DSCAML1: variants seen among roughly 807,000 people sequenced by gnomAD.
DSCAML1 encodes the protein cell adhesion molecule DSCAML1.
Under a neutral mutation model 200.5 loss-of-function variants are expected in DSCAML1, and 38 were observed. The observed-to-expected ratio is 0.19, with a 90% CI of 0.15 to 0.25. DSCAML1 has a LOEUF of 0.25. Ranked by LOEUF, DSCAML1 falls within the 10% of genes least tolerant of loss-of-function variation. The pLI is 1.00. For missense variants in DSCAML1, 2,223 were observed against 2,858.8 expected, an observed-to-expected ratio of 0.78 and a Z score of 5.07; for synonymous variants, 1,215 against 1,165.0, an observed-to-expected ratio of 1.04 and a Z score of -0.87.
Position 117,626,210 on chromosome 11 carries a change from T to A in DSCAML1, c.512-93688A>T, listed in dbSNP as rs12361297. Among the ~76,000 whole-genome samples, 1,002 of 115,534 alleles carry A rather than the reference T, an allele frequency of 8.7e-3. 14 individuals are homozygous for A. Among genetic ancestry groups the A allele is most frequent in the African/African-American group, 0.029 (915 of 31,342 alleles). 75.8% of individuals were successfully genotyped at this position (115,534 alleles called of 152,430 possible). ...CCACTCTTGCTGAGACCCCCCCCCC[T>A]CCTTCTTCTGGCATGAGACCTGGTC... On this transcript the variant is annotated intron_variant, in intron 3 of 32. Transcript: ENST00000651296.
rs189162302 is a variant in DSCAML1 at position 117,732,503 on chromosome 11, G to C, written c.511+44288C>G. ...CTATTATAAAAAGACGAGTTCCAAG[G>C]CCCTATCTGGCTCTCACACTGTATC... is the stretch of plus-strand genomic sequence containing the variant. On this transcript the variant is annotated intron_variant, in intron 3 of 32. Coordinates refer to ENST00000651296, the MANE Select transcript of DSCAML1 (RefSeq NM_020693.4). 2.1e-3 allele frequency among the ~76,000 whole-genome samples: 318 copies of C among 152,260 alleles called. 2 individuals are homozygous for C. The highest frequency in any genetic ancestry group is 3.8e-3 in the Non-Finnish European group (258 of 68,020).
At chr11:117,448,326 G>A (rs1592593498) in intron 20 of DSCAML1, among the ~76,000 whole-genome samples, 2 of 152,314 alleles carry the variant, frequency 1.3e-5, no homozygotes, top group East Asian at 3.9e-4. Flanking sequence ...CTATAGAATT[G>A]CTAGGCTGCT....
In DSCAML1 at chr11:117,769,242, ATATATG is replaced by A. The variant is rs199908038; in HGVS notation, c.511+7543_511+7548del. 7.0e-3 allele frequency among the ~76,000 whole-genome samples: 35 copies of A among 4,984 alleles called. 1 individual carries two copies. The highest frequency in any genetic ancestry group is 8.6e-3 in the Admixed American group (1 of 116). 3.3% of individuals were successfully genotyped at this position (4,984 alleles called of 152,430 possible). On this transcript the variant is annotated intron_variant, in intron 3 of 32. Transcript: ENST00000651296. ...ATATATTGTATATATTATATATTTT[ATATATG>A]TATATATTATATATTTTATATATTT...
chr11:117,775,998 G>A (rs1224585121), intron 3 of DSCAML1, among the ~76,000 whole-genome samples: 3 of 152,124 alleles, frequency 2.0e-5, no homozygotes, highest in Non-Finnish European at 2.9e-5. Context: ...GGAAGAAAAC[G>A]CAGCAGAACC....
At chr11:117,544,049 G>C (rs566419254) in intron 3 of DSCAML1, among the ~76,000 whole-genome samples, 9 of 152,124 alleles carry the variant, frequency 5.9e-5, no homozygotes, top group Non-Finnish European at 1.2e-4. Flanking sequence ...GAGGGAGGAG[G>C]AAGCGAATAG....
rs370416652 is a variant in DSCAML1, at chr11:117,442,137, ATG to A, written c.3862+1747_3862+1748del. On this transcript the variant is annotated intron_variant, in intron 21 of 32. Transcript: ENST00000651296. The stretch of plus-strand genomic sequence containing the variant: ...CATATGTGAGTGTGCACGTGTATGC[ATG>A]TGTGTATGCGTGTGTATATGCGTAT... Among the ~76,000 whole-genome samples, 234 of 151,730 alleles carry A rather than the reference ATG, an allele frequency of 1.5e-3. 1 individual carries two copies. Among genetic ancestry groups the A allele is most frequent in the African/African-American group, 2.2e-3 (90 of 41,324 alleles).
chr11:117,814,337 G>A (rs1418354909), intron 1 of DSCAML1, among the ~76,000 whole-genome samples: 3 of 152,194 alleles, frequency 2.0e-5, no homozygotes, highest in Admixed American at 2.0e-4. Flanking sequence ...ATGAAACTTA[G>A]TTCATAATTG....
chr11:117,647,338 G>C (rs1208395817), intron 3 of DSCAML1, among the ~76,000 whole-genome samples: 1 of 152,248 alleles, frequency 6.6e-6, no homozygotes, highest in East Asian at 1.9e-4. Flanking sequence ...CAGGTGGGCA[G>C]TGTTGGGGTG....
chr11:117,473,282 A>C (rs1483484514), intron 14 of DSCAML1, among the ~76,000 whole-genome samples: 1 of 152,162 alleles, frequency 6.6e-6, no homozygotes, highest in Admixed American at 6.5e-5. Context: ...GGATCATTTG[A>C]GGTCAGGAGT....
chr11:117,798,954 C>T (rs2055631148), upstream of DSCAML1, among the ~76,000 whole-genome samples: 1 of 152,138 alleles, frequency 6.6e-6, no homozygotes, highest in Admixed American at 6.5e-5. Context: ...GTTTTGTCAT[C>T]TGGAAACACA....
intron 3 of DSCAML1, among the ~76,000 whole-genome samples, chr11:117,677,576 G>T (rs957034284): frequency 3.3e-5 from 5 of 152,092 alleles, no homozygotes; most frequent in African/African-American, 1.2e-4. Context: ...ACCCTGGCTT[G>T]TGGGCAGAGG....
At chr11:117,635,132 C>A (rs757854790) in intron 3 of DSCAML1, among the ~76,000 whole-genome samples, 1 of 152,216 alleles carries the variant, frequency 6.6e-6, no homozygotes, top group South Asian at 2.1e-4. Context: ...ACAGGCTGCT[C>A]TCAAATGCAT....
In DSCAML1 at chr11:117,498,375, A is replaced by G. The variant is rs748279327; in HGVS notation, c.2359+5470T>C. Among the ~76,000 whole-genome samples, 37 of 152,290 alleles carry G rather than the reference A, an allele frequency of 2.4e-4. No homozygotes were observed. Among genetic ancestry groups the G allele is most frequent in the Non-Finnish European group, 4.3e-4 (29 of 68,016 alleles). On this transcript the variant is annotated intron_variant, in intron 11 of 32. Coordinates refer to ENST00000651296, the MANE Select transcript of DSCAML1 (RefSeq NM_020693.4). The surrounding 1 kb of genome is among the most constrained non-coding windows in gnomAD (Gnocchi z 4.0). ...TGGCAGGGCCCATCCGTGGGAGGAC[A>G]GTCTGTGGAGGAGCCCTCGGGAGGT...
At chr11:117,601,354 T>C (rs536617366) in intron 3 of DSCAML1, among the ~76,000 whole-genome samples, 5 of 152,150 alleles carry the variant, frequency 3.3e-5, no homozygotes, top group East Asian at 1.9e-4. Context: ...CCAGGGTGTG[T>C]TGAGGAGGGG....
chr11:117,816,452 C>A (rs1357383300), intron 1 of DSCAML1, among the ~76,000 whole-genome samples: 1 of 152,248 alleles, frequency 6.6e-6, no homozygotes, highest in African/African-American at 2.4e-5. Context: ...GAAGAATGGG[C>A]GCTTGGTGAG....
At chr11:117,557,976 A>G (rs890888229) in intron 3 of DSCAML1, among the ~76,000 whole-genome samples, 10 of 152,268 alleles carry the variant, frequency 6.6e-5, no homozygotes, top group South Asian at 6.2e-4. Context: ...TAAATATCCT[A>G]CAAGCCCGGG....
rs1345807921 is a variant in DSCAML1, at chr11:117,780,004, A to G, written c.364+489T>C. Among the ~76,000 whole-genome samples the G allele has an allele frequency of 6.6e-6, 1 of 151,916 alleles. No individual in the cohort carries two copies. The highest frequency in any genetic ancestry group is 1.9e-4 in the East Asian group (1 of 5,190). Reference sequence around the variant, plus strand: ...TAAATGAGCACCAACTCATTTAACCATCACACGTAGTGATACAGAGGTAGG... The same window carrying G: ...TAAATGAGCACCAACTCATTTAACCGTCACACGTAGTGATACAGAGGTAGG... On this transcript the variant is annotated intron_variant, in intron 2 of 32. Transcript: ENST00000651296. This position sits in a 1 kb window ranked among gnomAD's most constrained non-coding sequence, Gnocchi z 4.8.
chr11:117,527,791 G>T (rs1331748598), intron 4 of DSCAML1, among the ~76,000 whole-genome samples: 1 of 152,220 alleles, frequency 6.6e-6, no homozygotes, highest in Non-Finnish European at 1.5e-5. Context: ...CTGGAGAGGG[G>T]TTGGGGTGAG....
rs1319784543 is a variant in DSCAML1, at chr11:117,457,754, G to A, written c.3568+1000C>T. Among the ~76,000 whole-genome samples the A allele has an allele frequency of 1.1e-4, 17 of 152,148 alleles. 1 individual carries two copies. Among genetic ancestry groups the A allele is most frequent in the Admixed American group, 2.0e-4 (3 of 15,272 alleles). On this transcript the variant is annotated intron_variant, in intron 19 of 32. Transcript: ENST00000651296. ...AGCTTCTCCCCCACCACTCCCAGCCGAGTCGTTCCTTTTCAACATGTCAAA... is the reference window on the plus strand; with the variant it reads ...AGCTTCTCCCCCACCACTCCCAGCCAAGTCGTTCCTTTTCAACATGTCAAA...
Sources: allele counts gnomAD v4.1 joint callset (sites outside exome capture counted in the v4.1 genomes callset), GRCh38; gene constraint gnomAD v4.1.1; non-coding constraint Gnocchi (gnomAD v3.1); transcripts MANE v1.5; gene names NCBI Gene and HGNC (gene_info 2026-07-23, HGNC 2026-07-21).